The following OCM variants were observed in gnomAD, a reference collection of about 807,000 sequenced individuals.
OCM encodes oncomodulin-1.
Under a neutral mutation model 14.1 loss-of-function variants are expected in OCM, and 18 were observed. That is an observed-to-expected ratio of 1.28 (90% CI 0.88 to 1.89). The LOEUF (loss-of-function observed/expected upper bound fraction) is 1.89. Among genes scored for constraint, OCM ranks in the 40% most tolerant of loss-of-function variants. The pLI, the probability that OCM is intolerant of heterozygous loss-of-function variation, is 0.00. For synonymous variants in OCM, 48 were observed against 51.0 expected (o/e 0.94, Z 0.25); for missense variants, 140 against 137.6 (o/e 1.02, Z -0.09).
At position 5,886,290 on chromosome 7, in the gene OCM, A is replaced by G; in HGVS notation, c.*201A>G. ...CTTGGTGGTGGGTATATGCCCTGAC[A>G]ACTTCTGTAAGCCCCCCTTCCCCCA... On this transcript the variant is annotated 3_prime_UTR_variant, in exon 4 of 4. Transcript: ENST00000242104. 1.7e-6 allele frequency: 1 copy of G among 596,532 alleles called. No homozygotes were observed. Among genetic ancestry groups the G allele is most frequent in the Non-Finnish European group, 2.9e-6 (1 of 341,008 alleles). 37.0% of individuals were successfully genotyped at this position (596,532 alleles called of 1,614,324 possible).
chr7:5,872,287 T>G, the OCM span, among the ~76,000 whole-genome samples: 1 of 152,192 alleles, frequency 6.6e-6, no homozygotes, highest in Non-Finnish European at 1.5e-5. Context: ...ACACAAGCTG[T>G]CCTTTTCACG....
intron 2 of OCM, among the ~76,000 whole-genome samples, chr7:5,883,170 C>G (rs1194609180): frequency 6.6e-6 from 1 of 152,060 alleles, no homozygotes; most frequent in African/African-American, 2.4e-5. Flanking sequence ...AAGGGATTTC[C>G]TTTGGCAAAT....
the OCM span, among the ~76,000 whole-genome samples, chr7:5,868,360 C>G: frequency 6.6e-6 from 1 of 151,790 alleles, no homozygotes; most frequent in Non-Finnish European, 1.5e-5. Context: ...GTTGCTCAGG[C>G]TGGTCTTGAA....
intron 3 of OCM, among the ~76,000 whole-genome samples, chr7:5,884,235 G>C (rs986196437): frequency 6.6e-6 from 1 of 152,142 alleles, no homozygotes; most frequent in Non-Finnish European, 1.5e-5. Flanking sequence ...CATTGTCTAT[G>C]AGCTGCAAAA....
intron 3 of OCM, 73 bp from the exon 4 acceptor site, chr7:5,885,991 C>T: frequency 6.2e-7 from 1 of 1,606,510 alleles, no homozygotes; most frequent in Non-Finnish European, 8.5e-7. Flanking sequence ...CTTTGGAATT[C>T]TCATTGGCCA....
chr7:5,883,915 G>A lies in OCM; in HGVS notation c.220G>A (p.Gly74Ser), dbSNP rs1781278769. ...GTTTTTCCTCCAGAAGTTTGAGAGT[G>A]GTGCCAGAGAACTGACCGAGTCAGA... ...LKFFLQKFES[G>S]ARELTESETK... The change falls in exon 3 of 4, where the codon GGT (glycine) becomes AGT (serine). Residue 74 changes from glycine to serine, a missense_variant. By Grantham distance (56) the Gly-to-Ser change is moderately conservative. Coordinates refer to ENST00000242104, the MANE Select transcript of OCM (RefSeq NM_001097622.2). The A allele has an allele frequency of 1.9e-6, 3 of 1,612,742 alleles. No individual in the cohort carries two copies. Among genetic ancestry groups the A allele is most frequent in the Non-Finnish European group, 2.5e-6 (3 of 1,179,266 alleles).
intron 1 of OCM, among the ~76,000 whole-genome samples, chr7:5,882,157 T>C (rs975395578): frequency 4.7e-5 from 7 of 149,286 alleles, no homozygotes; most frequent in African/African-American, 1.7e-4. Context: ...ATCCAGTGAT[T>C]GCATTTCCCC....
intron 3 of OCM, among the ~76,000 whole-genome samples, chr7:5,885,650 G>A (rs531186952): frequency 2.2e-5 from 3 of 135,344 alleles, no homozygotes; most frequent in Non-Finnish European, 4.6e-5. Context: ...TGGCTCTCTC[G>A]CCCAGGCTAG....
the OCM span, chr7:5,871,745 T>C: frequency 5.3e-5 from 8 of 152,200 alleles, no homozygotes; most frequent in South Asian, 2.1e-4. Context: ...TTCTTTCTTT[T>C]TTTTTTTAGG....
At chr7:5,862,970 C>T in the OCM span, among the ~76,000 whole-genome samples, 2 of 150,524 alleles carry the variant, frequency 1.3e-5, no homozygotes, top group Non-Finnish European at 3.0e-5. Flanking sequence ...CTCCTCTACT[C>T]CCTCTTTTCA....
intron 2 of OCM, among the ~76,000 whole-genome samples, chr7:5,883,345 T>A (rs554043026): frequency 2.8e-4 from 43 of 152,072 alleles, no homozygotes; most frequent in African/African-American, 1.0e-3. Flanking sequence ...AGAGAGACTC[T>A]GTCTCAAATA....
the OCM span, among the ~76,000 whole-genome samples, chr7:5,861,134 T>C: frequency 6.6e-6 from 1 of 152,046 alleles, no homozygotes; most frequent in Admixed American, 6.6e-5. Flanking sequence ...ATCCCAGTTC[T>C]GGCCGAGTGC....
At chr7:5,860,252 GT>G in the OCM span, among the ~76,000 whole-genome samples, 1 of 151,560 alleles carries the variant, frequency 6.6e-6, no homozygotes, top group South Asian at 2.1e-4. Context: ...CACATTTCTT[GT>G]TCATGAAAAA....
At chr7:5,870,452 A>G in the OCM span, among the ~76,000 whole-genome samples, 18 of 152,144 alleles carry the variant, frequency 1.2e-4, no homozygotes, top group African/African-American at 4.3e-4. Flanking sequence ...CATCCTGTCC[A>G]TTGGCTGGGG....
chr7:5,876,103 C>G (rs1448947120), upstream of OCM, among the ~76,000 whole-genome samples: 1 of 152,050 alleles, frequency 6.6e-6, no homozygotes, highest in African/African-American at 2.4e-5. Flanking sequence ...CTCCCAGGTT[C>G]TAAGTGATCC....
upstream of OCM, among the ~76,000 whole-genome samples, chr7:5,876,023 G>A (rs1307013171): frequency 1.3e-5 from 2 of 150,806 alleles, no homozygotes; most frequent in Admixed American, 6.6e-5. Flanking sequence ...TTTTTTTTCC[G>A]AGACAGAGTC....
upstream of OCM, among the ~76,000 whole-genome samples, chr7:5,877,371 G>C (rs1295997094): frequency 6.6e-6 from 1 of 151,828 alleles, no homozygotes; most frequent in East Asian, 2.0e-4. Context: ...GGGAGGCTGA[G>C]CTGGGAGGAT....
chr7:5,881,550 A>G (rs1168107578), intron 1 of OCM, among the ~76,000 whole-genome samples: 3 of 152,050 alleles, frequency 2.0e-5, no homozygotes, highest in East Asian at 1.9e-4. Flanking sequence ...GGATCACTGA[A>G]GCCCAGGAGG....
intron 1 of OCM, 24 bp from the exon 2 acceptor site, chr7:5,882,469 A>AT (rs35069590): frequency 0.31 from 499,354 of 1,611,420 alleles, 81,985 homozygotes; most frequent in East Asian, 0.5. Context: ...CAAGCGTCAG[A>AT]ATAACCAATT....
Sources: allele counts gnomAD v4.1 joint callset (sites outside exome capture counted in the v4.1 genomes callset), GRCh38; gene constraint gnomAD v4.1.1; transcripts MANE v1.5; gene names NCBI Gene and HGNC (gene_info 2026-07-23, HGNC 2026-07-21).